Variants in ASS1 observed in about 807,000 individuals in gnomAD.
ASS1 encodes the protein argininosuccinate synthase.
ASS1 carries 58 observed loss-of-function variants against 60.5 expected under a neutral mutation model. That is an observed-to-expected ratio of 0.96 (90% CI 0.78 to 1.19). The LOEUF is 1.19. Among genes scored for constraint, ASS1 ranks in the 50% most tolerant of loss-of-function variants. The pLI is 0.00. For synonymous variants in ASS1, 200 were observed against 206.9 expected, an observed-to-expected ratio of 0.97 and a Z score of 0.29; for missense variants, 454 against 547.3, an observed-to-expected ratio of 0.83 and a Z score of 1.70.
In ASS1 at chr9:130,477,549, C is replaced by T. The variant is rs1056588368; in HGVS notation, c.688+588C>T. On this transcript the variant is annotated intron_variant, in intron 9 of 14. Transcript: ENST00000352480. This position sits in a 1 kb window ranked among gnomAD's most constrained non-coding sequence, Gnocchi z 4.2. ...AGGCTGTCCTGATCGCTCCCTCCTT[C>T]TCACTGCTGTCAACAAGAAGCGTTT... Among the ~76,000 whole-genome samples, 2 of 152,252 alleles carry T rather than the reference C, an allele frequency of 1.3e-5. No homozygotes were observed. The highest frequency in any genetic ancestry group is 2.9e-5 in the Non-Finnish European group (2 of 68,050).
At chr9:130,473,153 C>G (rs1845913260) in intron 8 of ASS1, among the ~76,000 whole-genome samples, 2 of 152,164 alleles carry the variant, frequency 1.3e-5, no homozygotes, top group Non-Finnish European at 2.9e-5. Flanking sequence ...CACTTGGGTC[C>G]CAGAGACAGG....
At chr9:130,451,789 TG>T (rs749017235) in intron 1 of ASS1, 4 of 456,946 alleles carry the variant, frequency 8.8e-6, no homozygotes, top group South Asian at 6.2e-5. Context: ...GGGCCCTGCC[TG>T]GTGCTTGGCA....
rs372931120 is a variant in ASS1, at chr9:130,480,368, A to G, written c.774-17A>G. Reference sequence around the variant, plus strand: ...TTGCGGTAGCGCCCGAACCTAATGGACCAGTTCTTCCCACAGGGGCAAGCA... The same window carrying G: ...TTGCGGTAGCGCCCGAACCTAATGGGCCAGTTCTTCCCACAGGGGCAAGCA... On this transcript the variant is annotated splice_polypyrimidine_tract_variant and intron_variant, in intron 10 of 14. Coordinates refer to ENST00000352480, the MANE Select transcript of ASS1 (RefSeq NM_054012.4). The G allele has an allele frequency of 1.0e-4, 162 of 1,614,004 alleles. No individual in the cohort carries two copies. The highest frequency in any genetic ancestry group is 1.3e-4 in the Non-Finnish European group (155 of 1,180,012).
intron 6 of ASS1, among the ~76,000 whole-genome samples, chr9:130,467,858 G>C (rs572307247): frequency 1.3e-5 from 2 of 152,268 alleles, no homozygotes; most frequent in African/African-American, 4.8e-5. Flanking sequence ...GGGCAGGGCC[G>C]ACCCATACGT....
chr9:130,447,591 G>A (rs1028196290), intron 1 of ASS1, among the ~76,000 whole-genome samples: 4 of 152,226 alleles, frequency 2.6e-5, no homozygotes, highest in African/African-American at 9.6e-5. Context: ...GTCTCTTCCG[G>A]GGAAGGAGGG....
rs776478515 is a variant in ASS1, at chr9:130,452,208, C to T, written c.-5-16C>T. The T allele has an allele frequency of 6.2e-7, 1 of 1,611,524 alleles. No individual in the cohort carries two copies. The highest frequency in any genetic ancestry group is 8.5e-7 in the Non-Finnish European group (1 of 1,178,480). On this transcript the variant is annotated splice_polypyrimidine_tract_variant and intron_variant, in intron 1 of 14. Coordinates refer to ENST00000352480, the MANE Select transcript of ASS1 (RefSeq NM_054012.4). ...CTGTCTCAGGGTCACTCAGGTTGTTCCTCGACTCCCGCCAGACGCTATGTC... is the reference window on the plus strand; with the variant it reads ...CTGTCTCAGGGTCACTCAGGTTGTTTCTCGACTCCCGCCAGACGCTATGTC...
chr9:130,474,453 G>C (rs968300998), intron 8 of ASS1, among the ~76,000 whole-genome samples: 1 of 152,188 alleles, frequency 6.6e-6, no homozygotes, highest in African/African-American at 2.4e-5. Context: ...ACAGTTGACA[G>C]TCGGGCCCAG....
At position 130,487,400 on chromosome 9, in the gene ASS1, GTT is replaced by G. The variant is rs34339017; in HGVS notation, c.839-1919_839-1918del. 8.1e-4 allele frequency among the ~76,000 whole-genome samples: 119 copies of G among 147,510 alleles called. 1 individual carries two copies. The highest frequency in any genetic ancestry group is 3.7e-3 in the South Asian group (17 of 4,646). ...AGAGTCAAAACCAATATCCTTCATG[GTT>G]TTTTTTTTTTTTTAATTTAAAACTG... is the stretch of plus-strand genomic sequence containing the variant. On this transcript the variant is annotated intron_variant, in intron 11 of 14. Coordinates refer to ENST00000352480, the MANE Select transcript of ASS1 (RefSeq NM_054012.4).
chr9:130,464,155 C>A lies in ASS1; in HGVS notation c.408C>A (p.Ala136=), dbSNP rs765880041. 4.3e-6 allele frequency: 7 copies of A among 1,614,080 alleles called. No individual in the cohort carries two copies. The highest frequency in any genetic ancestry group is 5.1e-6 in the Non-Finnish European group (6 of 1,180,026). Residue 136 remains alanine, a synonymous_variant, in exon 5 of 15, where the codon GCC becomes GCA. Transcript: ENST00000352480. ...VRFELSCYSL[A]PQIKVIAPWR... ...TTGAGCTCAGCTGCTACTCACTGGC[C>A]CCCCAGATAAAGGTAGGATGTGGCT...
Position 130,457,478 on chromosome 9 carries a change from CAAAA to C in ASS1, c.175-917_175-914del, listed in dbSNP as rs569419096. 9.2e-3 allele frequency among the ~76,000 whole-genome samples: 1,397 copies of C among 151,214 alleles called. 9 individuals carry two copies. Among genetic ancestry groups the C allele is most frequent in the Non-Finnish European group, 0.017 (1,128 of 67,726 alleles). The stretch of plus-strand genomic sequence containing the variant: ...AGAGAAAGACCCTGTCTCAAAAAAA[CAAAA>C]AAAAAGTTTTCACTCAGTGTCTCCC... On this transcript the variant is annotated intron_variant, in intron 3 of 14. Transcript: ENST00000352480.
intron 13 of ASS1, 102 bp downstream of exon 13, chr9:130,495,125 G>A: frequency 7.0e-7 from 1 of 1,436,392 alleles, no homozygotes; most frequent in South Asian, 1.2e-5. Context: ...CAGGCACCAT[G>A]CAGAGCACAG....
At chr9:130,464,025 A>G (rs1845667005) in intron 4 of ASS1, 86 bp from the exon 5 acceptor site, 1 of 1,454,352 alleles carries the variant, frequency 6.9e-7, no homozygotes, top group South Asian at 1.1e-5. Flanking sequence ...TGTCTCCGCC[A>G]CGGGCTGTCC....
chr9:130,465,056 A>ATATATATATATATATTTTTTTTTTTTTTT (rs1479147331), intron 5 of ASS1, among the ~76,000 whole-genome samples: 3 of 120,148 alleles, frequency 2.5e-5, no homozygotes, highest in African/African-American at 1.1e-4. Flanking sequence ...ATATATATAT[A>ATATATATATATATATTTTTTTTTTTTTTT]TTTTTTTTTT....
chr9:130,451,870 G>T, intron 1 of ASS1: 1 of 489,136 alleles, frequency 2.0e-6, no homozygotes, highest in Non-Finnish European at 4.0e-6. Flanking sequence ...CACATCTCCT[G>T]CCTGCGTGCA....
At chr9:130,482,309 G>A (rs1301066150) in intron 11 of ASS1, among the ~76,000 whole-genome samples, 1 of 150,444 alleles carries the variant, frequency 6.6e-6, no homozygotes, top group Admixed American at 6.6e-5. Flanking sequence ...CCATCCTCTG[G>A]GAGCTGTCAG....
chr9:130,480,387 G>C lies in ASS1; in HGVS notation c.776G>C (p.Gly259Ala). ...TAATGGACCAGTTCTTCCCACAGGG[G>C]CAAGCATGGCGTGGGCCGTATTGAC... Reference protein sequence around the residue: ...ELFMYLNEVAGKHGVGRIDIV... With the variant: ...ELFMYLNEVAAKHGVGRIDIV... Residue 259 changes from glycine (G) to alanine (A), a missense_variant and splice_region_variant, in exon 11 of 15, where the codon GGC becomes GCC. By Grantham distance (60) the Gly-to-Ala change is moderately conservative. Coordinates refer to ENST00000352480, the MANE Select transcript of ASS1 (RefSeq NM_054012.4). The C allele has an allele frequency of 6.2e-7, 1 of 1,614,224 alleles. No individual in the cohort carries two copies. The highest frequency in any genetic ancestry group is 2.2e-5 in the East Asian group (1 of 44,888).
Position 130,489,530 on chromosome 9 carries a change from T to A in ASS1, c.970+66T>A. On this transcript the variant is annotated intron_variant, in intron 12 of 14. Coordinates refer to ENST00000352480, the MANE Select transcript of ASS1 (RefSeq NM_054012.4). The surrounding 1 kb of genome is among the most constrained non-coding windows in gnomAD (Gnocchi z 4.1). ...AAGGGATCCCAAAGTACTATCAGGC[T>A]CTCGGGCCTGGCCCTCCCCTCCGTA... 1 of 1,609,406 alleles carries A rather than the reference T, an allele frequency of 6.2e-7. No individual in the cohort carries two copies. The highest frequency in any genetic ancestry group is 8.5e-7 in the Non-Finnish European group (1 of 1,176,810).
Position 130,458,431 on chromosome 9 carries a change from G to T in ASS1, c.205G>T (p.Val69Leu). Residue 69 changes from valine (V) to leucine (L), a missense_variant, in exon 4 of 15, where the codon GTG becomes TTG. Physicochemically the swap from Val to Leu is conservative, Grantham distance 32. Coordinates refer to ENST00000352480, the MANE Select transcript of ASS1 (RefSeq NM_054012.4). ...VFIEDVSREF[V>L]EEFIWPAIQS... ...CATTGAGGATGTCAGCAGGGAGTTT[G>T]TGGAGGAGTTCATCTGGCCGGCCAT... 6.2e-7 allele frequency: 1 copy of T among 1,612,084 alleles called. No individual in the cohort carries two copies. Among genetic ancestry groups the T allele is most frequent in the Non-Finnish European group, 8.5e-7 (1 of 1,179,862 alleles).
chr9:130,450,709 C>T (rs891237197), intron 1 of ASS1, among the ~76,000 whole-genome samples: 4 of 152,338 alleles, frequency 2.6e-5, no homozygotes, highest in Middle Eastern at 3.4e-3. Context: ...CAGCAGAGGA[C>T]GGGAGGCCTG....
Sources: allele counts gnomAD v4.1 joint callset (sites outside exome capture counted in the v4.1 genomes callset), GRCh38; gene constraint gnomAD v4.1.1; non-coding constraint Gnocchi (gnomAD v3.1); transcripts MANE v1.5; gene names NCBI Gene and HGNC (gene_info 2026-07-23, HGNC 2026-07-21).